Variants in NUTM1 observed in about 807,000 individuals in gnomAD.
NUTM1 encodes the protein NUT family member 1.
NUTM1 carries 39 observed loss-of-function variants against 88.7 expected under a neutral mutation model. The ratio of observed to expected loss-of-function variants is 0.44; its 90% CI spans 0.34 to 0.57. The LOEUF is 0.57. NUTM1 is among the 20% of genes least tolerant of loss of function. NUTM1 has a pLI of 0.01. For synonymous variants in NUTM1, 494 were observed against 538.0 expected (o/e 0.92, Z 1.13); for missense variants, 1,350 against 1,414.5 (o/e 0.95, Z 0.73).
intron 4 of NUTM1, among the ~76,000 whole-genome samples, 169 bp downstream of exon 4, chr15:34,351,001 C>G (rs1890696333): frequency 6.6e-6 from 1 of 151,782 alleles, no homozygotes; most frequent in Non-Finnish European, 1.5e-5. Context: ...GGTGGATCAC[C>G]TGAGGTCAGG....
rs1389444383 is a variant in NUTM1, at chr15:34,356,502, A to T, written c.2494A>T (p.Ser832Cys). ...AAALEKRNYC[S>C]LPGPLRANSP... ...TGCCCTAGAAAAGAGAAACTATTGC[A>T]GCTTGCCAGGACCTTTGAGGGCCAA... Residue 832 changes from serine to cysteine, a missense_variant, in exon 8 of 8, where the codon AGC becomes TGC. Physicochemically the swap from Ser to Cys is moderately radical, Grantham distance 112 (BLOSUM62 -1). Coordinates refer to ENST00000537011, the MANE Select transcript of NUTM1 (RefSeq NM_001284292.2). 6.2e-7 allele frequency: 1 copy of T among 1,614,008 alleles called. No homozygotes were observed. Among genetic ancestry groups the T allele is most frequent in the South Asian group, 1.1e-5 (1 of 91,068 alleles).
intron 4 of NUTM1, among the ~76,000 whole-genome samples, chr15:34,352,828 A>G (rs1207686073): frequency 6.7e-6 from 1 of 150,194 alleles, no homozygotes; most frequent in African/African-American, 2.5e-5. Context: ...AAGTACTGAA[A>G]GCCCTCACTG....
At position 34,356,643 on chromosome 15, in the gene NUTM1, C is replaced by G; in HGVS notation, c.2635C>G (p.Leu879Val). 1 of 1,613,922 alleles carries G rather than the reference C, an allele frequency of 6.2e-7. No individual in the cohort carries two copies. Among genetic ancestry groups the G allele is most frequent in the Non-Finnish European group, 8.5e-7 (1 of 1,179,992 alleles). The part of the protein sequence containing the change: ...FPLLESGDST[L>V]GSSKETLPPT... Reference sequence around the variant, plus strand: ...ATTGCTAGAAAGTGGTGATTCCACACTGGGGTCTTCCAAAGAAACCCTTCC... The same window carrying G: ...ATTGCTAGAAAGTGGTGATTCCACAGTGGGGTCTTCCAAAGAAACCCTTCC... The change falls in exon 8 of 8, where the codon CTG (leucine) becomes GTG (valine). Residue 879 changes from leucine to valine, a missense_variant. Coordinates refer to ENST00000537011, the MANE Select transcript of NUTM1 (RefSeq NM_001284292.2).
rs1329988142 is a variant in NUTM1 at position 34,356,440 on chromosome 15, G to T, written c.2432G>T (p.Ser811Ile). 1 of 1,611,436 alleles carries T rather than the reference G, an allele frequency of 6.2e-7. No individual in the cohort carries two copies. The highest frequency in any genetic ancestry group is 8.5e-7 in the Non-Finnish European group (1 of 1,178,416). ...ACCCTAGTACCTGGGGATACGGAGA[G>T]CAGTGTGATTCCCTGTGGAGGCACA... is the stretch of plus-strand genomic sequence containing the variant. Reference protein sequence around the residue: ...GETLVPGDTESSVIPCGGTVA... With the variant: ...GETLVPGDTEISVIPCGGTVA... The change falls in exon 8 of 8, where the codon AGC (serine) becomes ATC (isoleucine). Residue 811 changes from serine (S) to isoleucine (I), a missense_variant. Physicochemically the swap from Ser to Ile is moderately radical, Grantham distance 142. Coordinates refer to ENST00000537011, the MANE Select transcript of NUTM1 (RefSeq NM_001284292.2).
At position 34,353,847 on chromosome 15, in the gene NUTM1, G is replaced by A. The variant is rs1890750942; in HGVS notation, c.1050G>A (p.Leu350=). 6.2e-7 allele frequency: 1 copy of A among 1,613,660 alleles called. No homozygotes were observed. Among genetic ancestry groups the A allele is most frequent in the African/African-American group, 1.3e-5 (1 of 74,886 alleles). The change falls in exon 5 of 8, where the codon CTG becomes CTA. Residue 350 remains leucine, a synonymous_variant. Transcript: ENST00000537011. ...TPLKLDPLGP[L]ASEVCQQPVY... ...TGAAACTTGATCCTCTAGGGCCCCT[G>A]GCCTCTGAGGTTTGCCAGCAGCCAG...
chr15:34,350,961 G>A, intron 4 of NUTM1, 129 bp downstream of exon 4: 1 of 1,176,214 alleles, frequency 8.5e-7, no homozygotes, highest in Non-Finnish European at 1.2e-6. Context: ...GCTCACGCCT[G>A]TAATCCCACC....
intron 3 of NUTM1, among the ~76,000 whole-genome samples, chr15:34,349,512 C>A (rs1320016187): frequency 6.6e-6 from 1 of 152,176 alleles, no homozygotes; most frequent in Non-Finnish European, 1.5e-5. Flanking sequence ...TGTGTTTAGT[C>A]AAGGAGCCCA....
chr15:34,346,129 C>T (rs1466334943), intron 2 of NUTM1, 94 bp downstream of exon 2: 2 of 1,283,566 alleles, frequency 1.6e-6, no homozygotes. Context: ...TGAGGTGCTA[C>T]ACCCCGTCAA....
intron 2 of NUTM1, 110 bp downstream of exon 2, chr15:34,346,145 T>C: frequency 9.0e-7 from 1 of 1,115,910 alleles, no homozygotes; most frequent in Non-Finnish European, 1.3e-6. Context: ...GTCAAAGGTA[T>C]CACACTTGGG....
At chr15:34,349,146 T>C (rs1890662634) in intron 3 of NUTM1, among the ~76,000 whole-genome samples, 1 of 152,184 alleles carries the variant, frequency 6.6e-6, no homozygotes, top group African/African-American at 2.4e-5. Flanking sequence ...AAGGACTTTG[T>C]GTGTGCTGCT....
In NUTM1 at chr15:34,356,555, T is replaced by C. The variant is rs1451065172; in HGVS notation, c.2547T>C (p.Asn849=). 1.2e-6 allele frequency: 2 copies of C among 1,613,480 alleles called. No individual in the cohort carries two copies. Among genetic ancestry groups the C allele is most frequent in the Non-Finnish European group, 1.7e-6 (2 of 1,179,864 alleles). ...ANSPPLRSKE[N]QEQSCETVGH... ...GCCCACCCTTGAGGTCCAAAGAAAATCAAGAACAGAGCTGTGAAACCGTAG... is the reference window on the plus strand; with the variant it reads ...GCCCACCCTTGAGGTCCAAAGAAAACCAAGAACAGAGCTGTGAAACCGTAG... The change falls in exon 8 of 8, where the codon AAT becomes AAC. Residue 849 remains asparagine, a synonymous_variant. Transcript: ENST00000537011.
chr15:34,353,713 T>G, intron 4 of NUTM1, 23 bp from the exon 5 acceptor site: 1 of 1,613,980 alleles, frequency 6.2e-7, no homozygotes, highest in South Asian at 1.1e-5. Context: ...CAGCATTGCC[T>G]ATGCCTTTCT....
chr15:34,346,881 T>TATAAAAA (rs1890601069), intron 2 of NUTM1, among the ~76,000 whole-genome samples: 1 of 34,326 alleles, frequency 2.9e-5, no homozygotes, highest in Non-Finnish European at 4.8e-5. Context: ...AGACTCCATC[T>TATAAAAA]AAAAAAAAAA....
At position 34,357,447 on chromosome 15, in the gene NUTM1, A is replaced by C; in HGVS notation, c.3439A>C (p.Ser1147Arg). Reference protein sequence around the residue: ...PSQPRKRRCDSFVTGRRKKRR... With the variant: ...PSQPRKRRCDRFVTGRRKKRR... Reference sequence around the variant, plus strand: ...ACAGCCTCGTAAAAGGCGGTGTGACAGTTTTGTCACGGGCAGAAGGAAGAA... The same window carrying C: ...ACAGCCTCGTAAAAGGCGGTGTGACCGTTTTGTCACGGGCAGAAGGAAGAA... The change falls in exon 8 of 8, where the codon AGT (serine) becomes CGT (arginine). Residue 1147 changes from serine to arginine, a missense_variant. This residue lies in a region of NUTM1 where 730 missense variants were observed against 728.8 expected (regional missense o/e 1.00). Coordinates refer to ENST00000537011, the MANE Select transcript of NUTM1 (RefSeq NM_001284292.2). 6.2e-7 allele frequency: 1 copy of C among 1,613,130 alleles called. No individual in the cohort carries two copies.
chr15:34,345,015 T>C (rs1390622285), intron 1 of NUTM1, among the ~76,000 whole-genome samples: 3 of 147,600 alleles, frequency 2.0e-5, no homozygotes, highest in Non-Finnish European at 4.5e-5. Context: ...GAGACTCTGT[T>C]TAAAAAAAAA....
rs1288711841 is a variant in NUTM1 at position 34,357,435 on chromosome 15, A to G, written c.3427A>G (p.Arg1143Gly). 6.2e-6 allele frequency: 10 copies of G among 1,613,316 alleles called. No homozygotes were observed. The highest frequency in any genetic ancestry group is 8.5e-6 in the Non-Finnish European group (10 of 1,179,762). Residue 1143 changes from arginine to glycine, a missense_variant, in exon 8 of 8, where the codon AGG becomes GGG. Transcript: ENST00000537011. ...GVVRPSQPRKRRCDSFVTGRR... is the reference protein window; with the variant it reads ...GVVRPSQPRKGRCDSFVTGRR... ...AGTTCGACCCTCACAGCCTCGTAAA[A>G]GGCGGTGTGACAGTTTTGTCACGGG...
chr15:34,353,734 A>C lies in NUTM1; in HGVS notation c.939-2A>C, dbSNP rs769630844. On this transcript the variant is annotated splice_acceptor_variant, in intron 4 of 7. Transcript: ENST00000537011. LOFTEE classifies it high-confidence loss of function. Reference sequence around the variant, plus strand: ...TGCCTATGCCTTTCTCACCCTCTGCAGGTTCATGGAGTTTGAGGCTGAGGA... The same window carrying C: ...TGCCTATGCCTTTCTCACCCTCTGCCGGTTCATGGAGTTTGAGGCTGAGGA... The C allele has an allele frequency of 6.2e-7, 1 of 1,614,070 alleles. No homozygotes were observed. Among genetic ancestry groups the C allele is most frequent in the Non-Finnish European group, 8.5e-7 (1 of 1,180,002 alleles).
chr15:34,352,434 C>A (rs1259056076), intron 4 of NUTM1, among the ~76,000 whole-genome samples: 1 of 151,958 alleles, frequency 6.6e-6, no homozygotes, highest in Non-Finnish European at 1.5e-5. Flanking sequence ...TTGCATAGGC[C>A]TGATTAAGTT....
chr15:34,343,445 A>G lies in NUTM1; in HGVS notation c.-252A>G, dbSNP rs114643475. On this transcript the variant is annotated 5_prime_UTR_variant, in exon 1 of 8. Transcript: ENST00000537011. ...GGAGCAGTGAGTTTTCAATGCCTGA[A>G]GAAACAAGGGCTCCAGGATTCAGAG... 459 of 775,702 alleles carry G rather than the reference A, an allele frequency of 5.9e-4. 4 individuals are homozygous for G. The African/African-American group carries it at 7.3e-3, about 12-fold the overall frequency. The allele number at this position is 775,702 out of a possible 1,614,324, so 48.1% of individuals were successfully genotyped here.
Sources: allele counts gnomAD v4.1 joint callset (sites outside exome capture counted in the v4.1 genomes callset), GRCh38; gene constraint gnomAD v4.1.1; regional missense constraint gnomAD v4.1.1; transcripts MANE v1.5; gene names NCBI Gene and HGNC (gene_info 2026-07-23, HGNC 2026-07-21).